The following UBE4B variants were observed in gnomAD, a reference collection of about 807,000 sequenced individuals.
UBE4B encodes ubiquitination factor E4B.
Under a neutral mutation model 148.1 loss-of-function variants are expected in UBE4B, and 27 were observed. The observed-to-expected ratio is 0.18, with a 90% CI of 0.13 to 0.25. The LOEUF is 0.25. Among genes scored for constraint, UBE4B ranks in the 10% least tolerant of loss-of-function variants. The pLI is 1.00. For missense variants in UBE4B, 1,170 were observed against 1,662.4 expected (o/e 0.70, Z 5.15); for synonymous variants, 596 against 619.3 (o/e 0.96, Z 0.56).
At chr1:10,146,431 A>C (rs768346797) in intron 18 of UBE4B, among the ~76,000 whole-genome samples, 31 of 152,154 alleles carry the variant, frequency 2.0e-4, no homozygotes, top group Non-Finnish European at 3.7e-4. Flanking sequence ...CAGCCTGGGC[A>C]ACAGAGCAAG....
chr1:10,172,661 C>A (rs1030838587), intron 25 of UBE4B, among the ~76,000 whole-genome samples: 1 of 152,066 alleles, frequency 6.6e-6, no homozygotes, highest in African/African-American at 2.4e-5. Flanking sequence ...CATATCTCAT[C>A]CAAAGGAGTA....
chr1:10,108,340 T>G (rs758558388), intron 7 of UBE4B, among the ~76,000 whole-genome samples: 39 of 152,140 alleles, frequency 2.6e-4, no homozygotes, highest in Non-Finnish European at 5.0e-4. Flanking sequence ...TGGACCTCAG[T>G]GAAGCCAGAC....
chr1:10,145,106 T>A, intron 18 of UBE4B, 67 bp downstream of exon 18: 1 of 1,250,070 alleles, frequency 8.0e-7, no homozygotes, highest in Non-Finnish European at 1.2e-6. Context: ...ACAGAATATA[T>A]GCCTTGAGTG....
chr1:10,122,179 TGTGTTATTAG>T (rs1194856524), intron 10 of UBE4B, 103 bp downstream of exon 10: 1 of 706,212 alleles, frequency 1.4e-6, no homozygotes, highest in African/African-American at 1.8e-5. Context: ...CGAACATCCA[TGTGTTATTAG>T]AGAGAAGGCC....
At chr1:10,075,010 C>T (rs1340432148) in intron 2 of UBE4B, among the ~76,000 whole-genome samples, 1 of 152,162 alleles carries the variant, frequency 6.6e-6, no homozygotes, top group Non-Finnish European at 1.5e-5. Context: ...TTGCTGTTGC[C>T]TCACATTTTA....
intron 2 of UBE4B, among the ~76,000 whole-genome samples, chr1:10,078,156 G>A (rs182074042): frequency 1.6e-3 from 246 of 152,040 alleles, no homozygotes; most frequent in Admixed American, 3.9e-3. Flanking sequence ...TTACAGGTGC[G>A]TGCCACCACA....
chr1:10,178,864 G>A (rs764423623), intron 26 of UBE4B, 46 bp downstream of exon 26: 3 of 1,543,510 alleles, frequency 1.9e-6, no homozygotes, highest in South Asian at 2.5e-5. Context: ...TGAGTTAACT[G>A]GAAATCGATA....
chr1:10,052,200 G>A (rs1237210126), intron 1 of UBE4B, among the ~76,000 whole-genome samples: 2 of 151,794 alleles, frequency 1.3e-5, no homozygotes, highest in African/African-American at 4.8e-5. Context: ...CCGAGTAGCT[G>A]GGACTATAGG....
At chr1:10,164,836 G>A (rs1464695282) in intron 23 of UBE4B, among the ~76,000 whole-genome samples, 2 of 152,052 alleles carry the variant, frequency 1.3e-5, no homozygotes, top group Non-Finnish European at 2.9e-5. Context: ...GTTTCTCAAC[G>A]AGGGCACTAG....
intron 2 of UBE4B, 44 bp from the exon 3 acceptor site, chr1:10,095,417 A>G (rs941154741): frequency 1.9e-6 from 3 of 1,608,426 alleles, no homozygotes; most frequent in Non-Finnish European, 1.7e-6. Context: ...TAACTTGAAC[A>G]TTATTTCACA....
intron 20 of UBE4B, among the ~76,000 whole-genome samples, chr1:10,150,387 A>G (rs1029552352): frequency 1.3e-5 from 2 of 152,162 alleles, no homozygotes; most frequent in African/African-American, 4.8e-5. Context: ...CTATTTGAAA[A>G]ATTTCATTTA....
chr1:10,143,738 G>A (rs1251199163), intron 17 of UBE4B, among the ~76,000 whole-genome samples: 1 of 152,196 alleles, frequency 6.6e-6, no homozygotes, highest in African/African-American at 2.4e-5. Flanking sequence ...TAAGCAGAAA[G>A]GGGAACTAGT....
chr1:10,049,002 T>G (rs939567727), intron 1 of UBE4B, among the ~76,000 whole-genome samples: 1 of 152,246 alleles, frequency 6.6e-6, no homozygotes, highest in African/African-American at 2.4e-5. Flanking sequence ...GAGGTAGAGA[T>G]ATATTTGTAT....
At chr1:10,057,419 TC>T (rs1375208422) in intron 1 of UBE4B, among the ~76,000 whole-genome samples, 7 of 149,952 alleles carry the variant, frequency 4.7e-5, no homozygotes, top group African/African-American at 1.7e-4. Context: ...CAGTCTTTTC[TC>T]TTTTTTTTTT....
chr1:10,103,036 G>A lies in UBE4B; in HGVS notation c.524G>A (p.Arg175Lys). 1 of 1,613,300 alleles carries A rather than the reference G, an allele frequency of 6.2e-7. No individual in the cohort carries two copies. Among genetic ancestry groups the A allele is most frequent in the Admixed American group, 1.7e-5 (1 of 60,012 alleles). The change falls in exon 5 of 28, where the codon AGA becomes AAA. Residue 175 changes from arginine to lysine, a missense_variant. Arg to Lys is a conservative substitution (Grantham distance 26). Transcript: ENST00000343090. Reference protein sequence around the residue: ...IFRVSWKDRDRDVIFLSSLSA... With the variant: ...IFRVSWKDRDKDVIFLSSLSA... ...CGTGTCTCTTGGAAGGACCGGGACAGAGATGTCATCTTTCTTTCTTCTCTT... is the reference window on the plus strand; with the variant it reads ...CGTGTCTCTTGGAAGGACCGGGACAAAGATGTCATCTTTCTTTCTTCTCTT...
Position 10,132,461 on chromosome 1 carries a change from T to C in UBE4B, c.2004T>C (p.Asn668=), listed in dbSNP as rs761522866. 1.9e-6 allele frequency: 3 copies of C among 1,614,024 alleles called. No homozygotes were observed. The highest frequency in any genetic ancestry group is 1.6e-4 in the Middle Eastern group (1 of 6,084). The change falls in exon 15 of 28, where the codon AAT becomes AAC. Residue 668 remains asparagine (N), a synonymous_variant. Transcript: ENST00000343090. The part of the protein sequence containing the change: ...LSYMAAVVNA[N]MKKAQMQTDD... ...ACATGGCGGCTGTCGTCAATGCCAA[T>C]ATGAAGAAAGCACAGATGCAGGTAG...
chr1:10,103,527 A>AGTTCAAGTGATTCTTCTGCC (rs1645051810), intron 5 of UBE4B, among the ~76,000 whole-genome samples: 1 of 149,852 alleles, frequency 6.7e-6, no homozygotes, highest in Non-Finnish European at 1.5e-5. Context: ...CTGCCTCCCG[A>AGTTCAAGTGATTCTTCTGCC]GTTCAAGTGA....
chr1:10,131,995 C>T (rs1422653483), intron 14 of UBE4B, among the ~76,000 whole-genome samples: 3 of 148,980 alleles, frequency 2.0e-5, no homozygotes, highest in African/African-American at 7.4e-5. Flanking sequence ...CTGGGTGTGG[C>T]GGCGTGTGCC....
chr1:10,155,191 A>T (rs908656328), intron 21 of UBE4B, among the ~76,000 whole-genome samples: 1 of 151,798 alleles, frequency 6.6e-6, no homozygotes, highest in African/African-American at 2.4e-5. Flanking sequence ...CCTGCTGGGA[A>T]TGTTCCAGAA....
Sources: gnomAD v4.1 joint callset for allele counts (sites outside exome capture counted in the v4.1 genomes callset) on GRCh38, gnomAD v4.1.1 for gene constraint, MANE v1.5 for transcripts, NCBI Gene and HGNC (gene_info 2026-07-23, HGNC 2026-07-21) for gene names.